The following CPNE9 variants were observed in gnomAD, a reference collection of about 807,000 sequenced individuals.
CPNE9 encodes copine-9.
In CPNE9, 59 loss-of-function variants were observed where a neutral mutation model predicts 83.0. That is an observed-to-expected ratio of 0.71 (90% CI 0.58 to 0.88). The LOEUF is 0.88. CPNE9 is among the 40% of genes least tolerant of loss of function. The pLI is 0.00. For synonymous variants in CPNE9, 256 were observed against 273.4 expected (o/e 0.94, Z 0.63); for missense variants, 619 against 720.8 (o/e 0.86, Z 1.62).
At position 9,704,905 on chromosome 3, in the gene CPNE9, G is replaced by A. The variant is rs765305744; in HGVS notation, c.171G>A (p.Glu57=). ...CCCCTACCCAGTTCGGACGGACCGA[G>A]GTGATTGATAACACGCTGAACCCAG... ...SQEWREFGRT[E]VIDNTLNPDF... Residue 57 remains glutamate, a synonymous_variant, in exon 4 of 21, where the codon GAG becomes GAA. Coordinates refer to ENST00000383832, the MANE Select transcript of CPNE9 (RefSeq NM_153635.3). The surrounding 1 kb of genome is among the most constrained non-coding windows in gnomAD (Gnocchi z 7.1). The A allele has an allele frequency of 1.2e-6, 2 of 1,613,366 alleles. No individual in the cohort carries two copies.
At chr3:9,725,093 C>T (rs1038603175) in intron 17 of CPNE9, among the ~76,000 whole-genome samples, 1 of 152,156 alleles carries the variant, frequency 6.6e-6, no homozygotes, top group South Asian at 2.1e-4. Flanking sequence ...AGTGTCCCTT[C>T]CATCACAGCA....
chr3:9,728,709 G>C (rs1045442786), intron 20 of CPNE9, among the ~76,000 whole-genome samples: 1 of 152,146 alleles, frequency 6.6e-6, no homozygotes, highest in Non-Finnish European at 1.5e-5. Context: ...GCAGTCATTA[G>C]AAACAGATTT....
Position 9,726,061 on chromosome 3 carries a change from A to T in CPNE9, c.1344+10A>T, listed in dbSNP as rs2076782219. 1 of 1,561,772 alleles carries T rather than the reference A, an allele frequency of 6.4e-7. No individual in the cohort carries two copies. Among genetic ancestry groups the T allele is most frequent in the South Asian group, 1.1e-5 (1 of 87,840 alleles). On this transcript the variant is annotated intron_variant, in intron 18 of 20. Coordinates refer to ENST00000383832, the MANE Select transcript of CPNE9 (RefSeq NM_153635.3). ...GGAGGCCATCGTCAGCGTGAGTCTG[A>T]GGAGGAGGGCTTGGCAGGGAGGAGT... is the stretch of plus-strand genomic sequence containing the variant.
intron 17 of CPNE9, among the ~76,000 whole-genome samples, chr3:9,721,544 G>T (rs1228054948): frequency 2.0e-5 from 3 of 152,198 alleles, no homozygotes; most frequent in Non-Finnish European, 4.4e-5. Context: ...CAGTATCCTA[G>T]AGGGAGGGGG....
At chr3:9,725,771 A>G (rs149519810) in intron 17 of CPNE9, among the ~76,000 whole-genome samples, 178 bp from the exon 18 acceptor site, 1 of 151,456 alleles carries the variant, frequency 6.6e-6, no homozygotes, top group East Asian at 1.9e-4. Flanking sequence ...ATATATGGAT[A>G]TATACACATA....
intron 10 of CPNE9, 37 bp from the exon 11 acceptor site, chr3:9,714,877 A>C (rs375473932): frequency 7.6e-6 from 12 of 1,584,824 alleles, no homozygotes; most frequent in Non-Finnish European, 1.0e-5. Context: ...GGGATTTATC[A>C]TACACACCTA....
At chr3:9,714,272 T>A (rs1356830467) in intron 10 of CPNE9, among the ~76,000 whole-genome samples, 1 of 151,996 alleles carries the variant, frequency 6.6e-6, no homozygotes, top group African/African-American at 2.4e-5. Context: ...AGATGTATAG[T>A]TAGGTGGCTA....
intron 10 of CPNE9, among the ~76,000 whole-genome samples, chr3:9,713,898 C>G (rs994495588): frequency 1.3e-5 from 2 of 151,768 alleles, no homozygotes; most frequent in African/African-American, 2.4e-5. Context: ...GGTGAAACCC[C>G]ATCTCTACTA....
chr3:9,705,419 T>TCCCCCCCCCCCCCC, intron 4 of CPNE9, 45 bp from the exon 5 acceptor site: 2 of 662,602 alleles, frequency 3.0e-6, no homozygotes, highest in East Asian at 3.0e-5. Context: ...TTCCACCCTC[T>TCCCCCCCCCCCCCC]CCCCCACCCA....
intron 7 of CPNE9, among the ~76,000 whole-genome samples, chr3:9,708,565 C>G (rs868476308): frequency 2.0e-5 from 3 of 151,910 alleles, no homozygotes; most frequent in South Asian, 2.1e-4. Flanking sequence ...GATGAAAATC[C>G]CTGTTGACTC....
intron 5 of CPNE9, 78 bp downstream of exon 5, chr3:9,705,578 C>A: frequency 6.4e-7 from 1 of 1,569,326 alleles, no homozygotes; most frequent in Non-Finnish European, 8.8e-7. Flanking sequence ...CAGAACTCCT[C>A]CCAACCCTCG....
Position 9,709,111 on chromosome 3 carries a change from TA to T in CPNE9, c.377+3053del, listed in dbSNP as rs1396798179. Among the ~76,000 whole-genome samples, 4 of 149,472 alleles carry T rather than the reference TA, an allele frequency of 2.7e-5. No individual in the cohort carries two copies. The South Asian group carries it at 8.6e-4, about 32-fold the overall frequency. On this transcript the variant is annotated intron_variant, in intron 7 of 20. Transcript: ENST00000383832. ...CAAAATAGTGAAATCCCATCTCTAC[TA>T]AAAATACAAAAAACTTAGCTGGGAG...
chr3:9,706,275 T>C (rs368742112), intron 7 of CPNE9, among the ~76,000 whole-genome samples: 142 of 150,476 alleles, frequency 9.4e-4, no homozygotes, highest in East Asian at 4.5e-3. Flanking sequence ...TTTTTTTTTT[T>C]TCTCTCTCTC....
rs1035336795 is a variant in CPNE9 at position 9,712,967 on chromosome 3, C to T, written c.546-8C>T. On this transcript the variant is annotated splice_region_variant and splice_polypyrimidine_tract_variant and intron_variant, in intron 9 of 20. Transcript: ENST00000383832. ...TAAATTATACCAATTCTTCCCACTC[C>T]CCTCCAGGTTCACCATCTGCCACAA... is the stretch of plus-strand genomic sequence containing the variant. 3.1e-6 allele frequency: 5 copies of T among 1,611,118 alleles called. No homozygotes were observed. The African/African-American group carries it at 6.7e-5, about 22-fold the overall frequency.
intron 19 of CPNE9, 105 bp from the exon 20 acceptor site, chr3:9,727,008 C>A: frequency 8.7e-7 from 1 of 1,151,596 alleles, no homozygotes; most frequent in Non-Finnish European, 1.3e-6. Flanking sequence ...TGATCACAAG[C>A]ATTAGGCATT....
chr3:9,710,671 T>C (rs1392877860), intron 7 of CPNE9, among the ~76,000 whole-genome samples: 1 of 152,112 alleles, frequency 6.6e-6, no homozygotes. Flanking sequence ...ACAGGTGCAG[T>C]GTGGGTTAGG....
intron 17 of CPNE9, among the ~76,000 whole-genome samples, chr3:9,724,081 G>C (rs2076755552): frequency 6.6e-6 from 1 of 151,912 alleles, no homozygotes; most frequent in South Asian, 2.1e-4. Context: ...AATAGCCAAG[G>C]CTACCTTATT....
intron 7 of CPNE9, among the ~76,000 whole-genome samples, chr3:9,710,729 G>A (rs938200386): frequency 1.3e-5 from 2 of 152,160 alleles, no homozygotes; most frequent in Admixed American, 1.3e-4. Context: ...TAAATATATC[G>A]AAAGTGAGAG....
In CPNE9 at chr3:9,725,951, C is replaced by A; in HGVS notation, c.1244C>A (p.Ala415Asp). ...FAPVINQVAR[A>D]AAKISDGSQY... Reference sequence around the variant, plus strand: ...TTCTCATTTGGCCTCTCATCCAGGGCTGCAGCCAAGATCTCTGATGGCTCC... The same window carrying A: ...TTCTCATTTGGCCTCTCATCCAGGGATGCAGCCAAGATCTCTGATGGCTCC... The change falls in exon 18 of 21, where the codon GCT becomes GAT. Residue 415 changes from alanine to aspartate, a missense_variant and splice_region_variant. This residue lies in a region of CPNE9 where 438 missense variants were observed against 562.9 expected (regional missense o/e 0.78). Coordinates refer to ENST00000383832, the MANE Select transcript of CPNE9 (RefSeq NM_153635.3). 1.2e-6 allele frequency: 2 copies of A among 1,611,604 alleles called. No individual in the cohort carries two copies. Among genetic ancestry groups the A allele is most frequent in the Non-Finnish European group, 1.7e-6 (2 of 1,178,036 alleles).
Sources: allele counts gnomAD v4.1 joint callset (sites outside exome capture counted in the v4.1 genomes callset), GRCh38; gene constraint gnomAD v4.1.1; regional missense constraint gnomAD v4.1.1; non-coding constraint Gnocchi (gnomAD v3.1); transcripts MANE v1.5; gene names NCBI Gene and HGNC (gene_info 2026-07-23, HGNC 2026-07-21).